Variants in DRC7 observed in about 807,000 individuals in gnomAD.
The protein encoded by DRC7 is dynein regulatory complex subunit 7.
In DRC7, 80 loss-of-function variants were observed where a neutral mutation model predicts 104.4. That is an observed-to-expected ratio of 0.77 (90% CI 0.64 to 0.92). The LOEUF is 0.92. Ranked by LOEUF, DRC7 falls within the 40% of genes least tolerant of loss-of-function variation. The probability of loss-of-function intolerance (pLI) is 0.00; values close to 1 mark genes in which losing one functional copy is unlikely to be tolerated. For missense variants in DRC7, 1,034 were observed against 1,141.1 expected, an observed-to-expected ratio of 0.91 and a Z score of 1.35; for synonymous variants, 405 against 447.3, an observed-to-expected ratio of 0.91 and a Z score of 1.19.
intron 12 of DRC7, among the ~76,000 whole-genome samples, chr16:57,724,393 A>C (rs1377065440): frequency 1.3e-5 from 2 of 152,078 alleles, no homozygotes; most frequent in South Asian, 4.1e-4. Context: ...AATGGACAAG[A>C]ACAAAAAATG....
chr16:57,721,755 G>T lies in DRC7; in HGVS notation c.1279+16G>T. ...TCCCCGGAAGGTATTTTCTATTTGT[G>T]TATTCACTTATCCTCTCCAGATCCA... On this transcript the variant is annotated intron_variant, in intron 10 of 18. Transcript: ENST00000360716. 6.2e-7 allele frequency: 1 copy of T among 1,603,088 alleles called. No homozygotes were observed. The highest frequency in any genetic ancestry group is 8.5e-7 in the Non-Finnish European group (1 of 1,170,400).
Position 57,722,694 on chromosome 16 carries a change from C to T in DRC7, c.1280-19C>T. 2 of 1,613,116 alleles carry T rather than the reference C, an allele frequency of 1.2e-6. No individual in the cohort carries two copies. The highest frequency in any genetic ancestry group is 1.7e-6 in the Non-Finnish European group (2 of 1,179,884). On this transcript the variant is annotated intron_variant, in intron 10 of 18. Coordinates refer to ENST00000360716, the MANE Select transcript of DRC7 (RefSeq NM_001289162.2). ...CCCCCAAACTAGCAAGAAGAGACCA[C>T]AGCTGACTGTGTCCACAGCATTTGA...
At chr16:57,728,346 CTG>C (rs758468552) in intron 16 of DRC7, 42 bp from the exon 17 acceptor site, 2 of 1,525,416 alleles carry the variant, frequency 1.3e-6, no homozygotes, top group Non-Finnish European at 1.8e-6. Flanking sequence ...GGAGAGGTCT[CTG>C]TAGTTCCTGC....
rs2048746287 is a variant in DRC7 at position 57,707,591 on chromosome 16, C to T, written c.990C>T (p.Thr330=). 1 of 1,613,570 alleles carries T rather than the reference C, an allele frequency of 6.2e-7. No homozygotes were observed. Among genetic ancestry groups the T allele is most frequent in the Non-Finnish European group, 8.5e-7 (1 of 1,180,030 alleles). ...IDPFTGHSYS[T]QDEHFLGIES... is the part of the protein sequence containing the mutation. The stretch of plus-strand genomic sequence containing the variant: ...CATTCACAGGACATAGCTACAGCAC[C>T]CAGGATGAGCACTTCCTGGGCATCG... Residue 330 remains threonine, a synonymous_variant, in exon 8 of 19, where the codon ACC becomes ACT. Transcript: ENST00000360716.
chr16:57,725,705 A>G lies in DRC7; in HGVS notation c.1759-363A>G, dbSNP rs77218313. On this transcript the variant is annotated intron_variant, in intron 13 of 18. Transcript: ENST00000360716. Reference sequence around the variant, plus strand: ...TGTGCATTTTCCCCTTCATGTCATTACAAATTAGTTGGCAACTGTGTGTAA... The same window carrying G: ...TGTGCATTTTCCCCTTCATGTCATTGCAAATTAGTTGGCAACTGTGTGTAA... 58 of 228,886 alleles carry G rather than the reference A, an allele frequency of 2.5e-4. 1 individual carries two copies. The East Asian group carries it at 5.6e-3, about 22-fold the overall frequency. The allele number at this position is 228,886 out of a possible 1,614,324, so 14.2% of individuals were successfully genotyped here.
At chr16:57,698,301 C>G in intron 3 of DRC7, 149 bp downstream of exon 3, 1 of 1,280,176 alleles carries the variant, frequency 7.8e-7, no homozygotes. Flanking sequence ...TTCAAATGGC[C>G]TGGGCCGAGT....
intron 5 of DRC7, 118 bp downstream of exon 5, chr16:57,700,388 C>A (rs1296599891): frequency 8.4e-6 from 11 of 1,316,266 alleles, no homozygotes; most frequent in East Asian, 4.9e-5. Flanking sequence ...GTAGCTCATG[C>A]CTGTAATCCC....
intron 1 of DRC7, among the ~76,000 whole-genome samples, chr16:57,695,071 C>A (rs968611860): frequency 6.6e-6 from 1 of 152,016 alleles, no homozygotes; most frequent in Non-Finnish European, 1.5e-5. Flanking sequence ...ATCTAAGGAA[C>A]CTTGAGATAA....
intron 13 of DRC7, chr16:57,725,671 A>G (rs2048954187): frequency 5.0e-6 from 1 of 198,106 alleles, no homozygotes; most frequent in African/African-American, 2.3e-5. Context: ...TACCCACTTA[A>G]CATGAAATTG....
chr16:57,699,154 A>C, intron 4 of DRC7, 130 bp downstream of exon 4: 1 of 1,093,462 alleles, frequency 9.1e-7, no homozygotes, highest in Non-Finnish European at 1.3e-6. Context: ...GAGCGCTTCT[A>C]GTCTGGGGGC....
chr16:57,706,011 T>C (rs1597797572), intron 7 of DRC7, among the ~76,000 whole-genome samples: 2 of 94,208 alleles, frequency 2.1e-5, no homozygotes, highest in African/African-American at 4.0e-5. Context: ...CCTCCCACCA[T>C]CCTCCCATCC....
chr16:57,723,982 C>G (rs1484183803), intron 12 of DRC7, among the ~76,000 whole-genome samples: 1 of 152,096 alleles, frequency 6.6e-6, no homozygotes, highest in Non-Finnish European at 1.5e-5. Context: ...CAGATTGGAA[C>G]TTTTCTGGAG....
In DRC7 at chr16:57,731,516, C is replaced by G. The variant is rs2049061711; in HGVS notation, c.*258C>G. 1 of 525,742 alleles carries G rather than the reference C, an allele frequency of 1.9e-6. No individual in the cohort carries two copies. The highest frequency in any genetic ancestry group is 1.9e-5 in the African/African-American group (1 of 52,302). The allele number at this position is 525,742 out of a possible 1,614,324, so 32.6% of individuals were successfully genotyped here. Reference sequence around the variant, plus strand: ...CTTTCTCTTCTTCTGTTATCTATAGCCTGGGACCACCCCCTTCCTCCCCTT... The same window carrying G: ...CTTTCTCTTCTTCTGTTATCTATAGGCTGGGACCACCCCCTTCCTCCCCTT... On this transcript the variant is annotated 3_prime_UTR_variant, in exon 19 of 19. Coordinates refer to ENST00000360716, the MANE Select transcript of DRC7 (RefSeq NM_001289162.2).
intron 9 of DRC7, among the ~76,000 whole-genome samples, chr16:57,720,184 G>A (rs2048888069): frequency 6.6e-6 from 1 of 152,200 alleles, no homozygotes; most frequent in African/African-American, 2.4e-5. Context: ...CCGATGGGAA[G>A]ACTCACACAC....
chr16:57,729,656 T>G (rs1279069515), intron 17 of DRC7, among the ~76,000 whole-genome samples: 22 of 25,750 alleles, frequency 8.5e-4, no homozygotes, highest in South Asian at 1.6e-3. Context: ...GGTGGGTGGG[T>G]GGATGGATGA....
chr16:57,719,180 T>C (rs2048877436), intron 9 of DRC7, among the ~76,000 whole-genome samples: 1 of 152,084 alleles, frequency 6.6e-6, no homozygotes, highest in Non-Finnish European at 1.5e-5. Context: ...GCCAGGGCCT[T>C]ACCCACATCA....
Position 57,731,608 on chromosome 16 carries a change from T to G in DRC7, c.*350T>G. Reference sequence around the variant, plus strand: ...CAGGTCTTCACAGCACCTCTGCAGATGGTCCCACAGCCATCTGCAAACAAC... The same window carrying G: ...CAGGTCTTCACAGCACCTCTGCAGAGGGTCCCACAGCCATCTGCAAACAAC... On this transcript the variant is annotated 3_prime_UTR_variant, in exon 19 of 19. Coordinates refer to ENST00000360716, the MANE Select transcript of DRC7 (RefSeq NM_001289162.2). 1 of 317,884 alleles carries G rather than the reference T, an allele frequency of 3.1e-6. No individual in the cohort carries two copies. Among genetic ancestry groups the G allele is most frequent in the Non-Finnish European group, 6.0e-6 (1 of 167,804 alleles). 19.7% of individuals were successfully genotyped at this position (317,884 alleles called of 1,614,324 possible).
intron 2 of DRC7, among the ~76,000 whole-genome samples, chr16:57,697,202 C>A (rs1412581380): frequency 6.6e-6 from 1 of 152,038 alleles, no homozygotes; most frequent in Non-Finnish European, 1.5e-5. Flanking sequence ...CATGAGCCAC[C>A]GCACCCAGCC....
chr16:57,727,480 A>C, intron 16 of DRC7, 71 bp downstream of exon 16: 1 of 1,149,226 alleles, frequency 8.7e-7, no homozygotes, highest in Non-Finnish European at 1.3e-6. Context: ...GGTGGGGACC[A>C]TGAGGGATTC....
Sources: allele counts gnomAD v4.1 joint callset (sites outside exome capture counted in the v4.1 genomes callset), GRCh38; gene constraint gnomAD v4.1.1; transcripts MANE v1.5; gene names NCBI Gene and HGNC (gene_info 2026-07-23, HGNC 2026-07-21).